The following TBCD variants were observed in gnomAD, a reference collection of about 807,000 sequenced individuals.
TBCD encodes tubulin folding cofactor D, also known as tubulin-specific chaperone D.
TBCD carries 105 observed loss-of-function variants against 169.3 expected under a neutral mutation model. That is an observed-to-expected ratio of 0.62 (90% CI 0.53 to 0.73). The LOEUF (loss-of-function observed/expected upper bound fraction) is 0.73, where lower values mean the gene tolerates loss of function less well. Ranked by LOEUF, TBCD falls within the 30% of genes least tolerant of loss-of-function variation. The pLI is 0.00. For synonymous variants in TBCD, 700 were observed against 643.9 expected, an observed-to-expected ratio of 1.09 and a Z score of -1.32; for missense variants, 1,444 against 1,600.1, an observed-to-expected ratio of 0.90 and a Z score of 1.66.
At chr17:82,862,461 A>T (rs952945150) in intron 13 of TBCD, among the ~76,000 whole-genome samples, 4 of 151,898 alleles carry the variant, frequency 2.6e-5, no homozygotes, top group Admixed American at 2.0e-4. Flanking sequence ...GGAGGTGGGA[A>T]CATGGCCTTG....
chr17:82,779,338 C>T (rs1393452345), intron 6 of TBCD, among the ~76,000 whole-genome samples: 1 of 152,002 alleles, frequency 6.6e-6, no homozygotes, highest in Non-Finnish European at 1.5e-5. Context: ...CCAGGCTGGT[C>T]TTGAACTCCT....
chr17:82,912,600 G>A (rs907668306), intron 23 of TBCD, among the ~76,000 whole-genome samples: 2 of 145,478 alleles, frequency 1.4e-5, no homozygotes, highest in African/African-American at 2.5e-5. Flanking sequence ...AGGCACAGCT[G>A]GTGAGGAAGC....
intron 11 of TBCD, among the ~76,000 whole-genome samples, chr17:82,807,963 C>A (rs938548048): frequency 6.6e-6 from 1 of 152,228 alleles, no homozygotes; most frequent in South Asian, 2.1e-4. Context: ...CTGTGCCCCC[C>A]ACCTATCGTT....
intron 6 of TBCD, among the ~76,000 whole-genome samples, chr17:82,776,940 C>T (rs996441724): frequency 2.6e-5 from 4 of 152,162 alleles, no homozygotes; most frequent in African/African-American, 7.2e-5. Context: ...TTACATACTC[C>T]GCTTCGTGAC....
rs1405844989 is a variant in TBCD, at chr17:82,884,558, G to C, written c.1533+356G>C. Among the ~76,000 whole-genome samples, 1 of 152,208 alleles carries C rather than the reference G, an allele frequency of 6.6e-6. No homozygotes were observed. The highest frequency in any genetic ancestry group is 2.4e-5 in the African/African-American group (1 of 41,446). On this transcript the variant is annotated intron_variant, in intron 15 of 38. Transcript: ENST00000355528. The surrounding 1 kb of genome is among the most constrained non-coding windows in gnomAD (Gnocchi z 4.2). The stretch of plus-strand genomic sequence containing the variant: ...CTGCGAGGGTGGCCAGAATGTGGCG[G>C]CGGGACGGGTCACTCACCGGGTGGC...
chr17:82,888,551 G>A (rs946112715), intron 15 of TBCD, among the ~76,000 whole-genome samples: 1 of 152,224 alleles, frequency 6.6e-6, no homozygotes, highest in East Asian at 1.9e-4. Flanking sequence ...CAAAGCAGCA[G>A]TCAGGCCTCC....
rs1320210356 is a variant in TBCD at position 82,789,055 on chromosome 17, G to A, written c.771+7334G>A. 6.6e-6 allele frequency among the ~76,000 whole-genome samples: 1 copy of A among 152,192 alleles called. No individual in the cohort carries two copies. The highest frequency in any genetic ancestry group is 2.4e-5 in the African/African-American group (1 of 41,444). ...AAGATGACCCACGTGGTCCTTTTTA[G>A]TTGTAGTGCTCTCTTGGGGCAAGGT... is the stretch of plus-strand genomic sequence containing the variant. On this transcript the variant is annotated intron_variant, in intron 7 of 38. Coordinates refer to ENST00000355528, the MANE Select transcript of TBCD (RefSeq NM_005993.5). The surrounding 1 kb of genome is among the most constrained non-coding windows in gnomAD (Gnocchi z 4.8).
In TBCD at chr17:82,776,218, C is replaced by CA. The variant is rs944221271; in HGVS notation, c.638+3721dup. ...TGGGCAACAGAGCAAGACTCCATCT[C>CA]AAAAAAAAAAGAGGTACGCTGTATG... is the stretch of plus-strand genomic sequence containing the variant. On this transcript the variant is annotated intron_variant, in intron 6 of 38. Coordinates refer to ENST00000355528, the MANE Select transcript of TBCD (RefSeq NM_005993.5). Among the ~76,000 whole-genome samples, 174 of 147,200 alleles carry CA rather than the reference C, an allele frequency of 1.2e-3. 1 individual carries two copies. Among genetic ancestry groups the CA allele is most frequent in the East Asian group, 3.7e-3 (19 of 5,070 alleles).
At chr17:82,846,667 C>A (rs566598020) in intron 13 of TBCD, among the ~76,000 whole-genome samples, 1 of 152,232 alleles carries the variant, frequency 6.6e-6, no homozygotes, top group South Asian at 2.1e-4. Context: ...CCAGCCAGGC[C>A]TGGACACCTC....
intron 34 of TBCD, among the ~76,000 whole-genome samples, chr17:82,934,703 C>A (rs1005043722): frequency 5.9e-5 from 9 of 152,114 alleles, no homozygotes; most frequent in African/African-American, 2.2e-4. Context: ...AACTCCCGAC[C>A]TGAGGTGATC....
At chr17:82,908,568 A>G (rs914980269) in intron 21 of TBCD, 5 of 314,412 alleles carry the variant, frequency 1.6e-5, no homozygotes, top group Non-Finnish European at 3.1e-5. Context: ...TTCTTATCCT[A>G]TTTTTGCCAT....
intron 12 of TBCD, among the ~76,000 whole-genome samples, chr17:82,811,955 T>A (rs547028416): frequency 5.3e-5 from 8 of 152,108 alleles, no homozygotes; most frequent in Non-Finnish European, 1.2e-4. Context: ...CTGGGCTGGG[T>A]TATGCAGTGA....
chr17:82,906,984 C>T (rs551777854), intron 20 of TBCD, among the ~76,000 whole-genome samples: 1 of 152,326 alleles, frequency 6.6e-6, no homozygotes, highest in African/African-American at 2.4e-5. Flanking sequence ...TGTGTCATTC[C>T]CCCAGCAGTG....
At chr17:82,805,202 G>A (rs2144753177) in intron 9 of TBCD, among the ~76,000 whole-genome samples, 1 of 152,356 alleles carries the variant, frequency 6.6e-6, no homozygotes, top group Non-Finnish European at 1.5e-5. Context: ...GCGTAGGACT[G>A]CGTTCCCATT....
rs949976762 is a variant in TBCD at position 82,833,272 on chromosome 17, C to T, written c.1318+18338C>T. On this transcript the variant is annotated intron_variant, in intron 13 of 38. Transcript: ENST00000355528. The surrounding 1 kb of genome is among the most constrained non-coding windows in gnomAD (Gnocchi z 4.7). ...TCTCCCAAGTGCTGTGCGCCCCTGCCGTCGGCCTGTAGAACCCAAGACCAT... is the reference window on the plus strand; with the variant it reads ...TCTCCCAAGTGCTGTGCGCCCCTGCTGTCGGCCTGTAGAACCCAAGACCAT... Among the ~76,000 whole-genome samples, 5 of 152,090 alleles carry T rather than the reference C, an allele frequency of 3.3e-5. No individual in the cohort carries two copies. Among genetic ancestry groups the T allele is most frequent in the East Asian group, 1.9e-4 (1 of 5,178 alleles).
rs949187152 is a variant in TBCD, at chr17:82,923,449, C to G, written c.2179-203C>G. On this transcript the variant is annotated intron_variant, in intron 25 of 38. Transcript: ENST00000355528. This position sits in a 1 kb window ranked among gnomAD's most constrained non-coding sequence, Gnocchi z 4.6. ...GTCCTTCTCTGACCTCAAGGGTGAC[C>G]TGCTGTGTCCTTGGCCGGGTGCTTC... 2.6e-5 allele frequency among the ~76,000 whole-genome samples: 4 copies of G among 151,626 alleles called. No homozygotes were observed. Among genetic ancestry groups the G allele is most frequent in the African/African-American group, 9.7e-5 (4 of 41,274 alleles).
chr17:82,849,706 T>G (rs2055489954), intron 13 of TBCD, among the ~76,000 whole-genome samples: 1 of 152,246 alleles, frequency 6.6e-6, no homozygotes, highest in East Asian at 1.9e-4. Flanking sequence ...TTGCCTGTGG[T>G]GCCACACGGG....
intron 18 of TBCD, 41 bp downstream of exon 18, chr17:82,900,772 C>T (rs1423823393): frequency 6.8e-7 from 1 of 1,469,812 alleles, no homozygotes; most frequent in Non-Finnish European, 9.5e-7. Context: ...CTTTTTTTCC[C>T]CCCAAAGGAG....
chr17:82,760,577 G>C (rs2047699542), intron 2 of TBCD, among the ~76,000 whole-genome samples: 1 of 152,162 alleles, frequency 6.6e-6, no homozygotes, highest in Non-Finnish European at 1.5e-5. Flanking sequence ...TACTGTTTTT[G>C]TAAATGGCAA....
Sources: allele counts gnomAD v4.1 joint callset (sites outside exome capture counted in the v4.1 genomes callset), GRCh38; gene constraint gnomAD v4.1.1; non-coding constraint Gnocchi (gnomAD v3.1); transcripts MANE v1.5; gene names NCBI Gene and HGNC (gene_info 2026-07-23, HGNC 2026-07-21).